Variants in RNF20 observed in about 807,000 individuals in gnomAD.
RNF20 encodes E3 ubiquitin-protein ligase BRE1A.
A neutral mutation model predicts 126.2 loss-of-function variants in RNF20; 84 were observed. That is an observed-to-expected ratio of 0.67 (90% CI 0.56 to 0.80). RNF20 has a LOEUF of 0.80. Among genes scored for constraint, RNF20 ranks in the 30% least tolerant of loss-of-function variants. The probability of loss-of-function intolerance (pLI) is 0.00; values close to 1 mark genes in which losing one functional copy is unlikely to be tolerated. For missense variants in RNF20, 869 were observed against 1,188.2 expected, an observed-to-expected ratio of 0.73 and a Z score of 3.95; for synonymous variants, 400 against 414.3, an observed-to-expected ratio of 0.97 and a Z score of 0.42.
intron 5 of RNF20, among the ~76,000 whole-genome samples, chr9:101,542,445 A>G (rs1338239790): frequency 6.6e-6 from 1 of 152,168 alleles, no homozygotes; most frequent in Non-Finnish European, 1.5e-5. Flanking sequence ...CCCCAGCTAA[A>G]CTGTGTCTTG....
intron 13 of RNF20, 115 bp from the exon 14 acceptor site, chr9:101,553,873 A>G (rs1387997222): frequency 1.0e-5 from 6 of 594,256 alleles, no homozygotes; most frequent in South Asian, 2.5e-5. Flanking sequence ...TAGGTGTGAT[A>G]TGAAATGTAA....
At chr9:101,539,556 A>G (rs1331750025) in intron 2 of RNF20, among the ~76,000 whole-genome samples, 2 of 152,174 alleles carry the variant, frequency 1.3e-5, no homozygotes, top group Non-Finnish European at 2.9e-5. Context: ...AGGGATTGGT[A>G]TATTGGGTTA....
At chr9:101,546,611 T>C (rs1020202344) in intron 6 of RNF20, among the ~76,000 whole-genome samples, 15 of 152,174 alleles carry the variant, frequency 9.9e-5, no homozygotes, top group Admixed American at 2.0e-4. Context: ...AGAGTTCTTA[T>C]AGACTTTAGA....
chr9:101,558,950 G>A (rs111719143), intron 16 of RNF20, among the ~76,000 whole-genome samples: 1,542 of 152,110 alleles, frequency 0.01, 27 homozygotes, highest in African/African-American at 0.035. Context: ...TTGCTTTTGG[G>A]TTCTTGGTCA....
At chr9:101,547,074 T>TA in intron 7 of RNF20, 63 bp from the exon 8 acceptor site, 5 of 1,602,864 alleles carry the variant, frequency 3.1e-6, no homozygotes, top group Non-Finnish European at 4.3e-6. Flanking sequence ...CCTTTGAAGG[T>TA]ACATTGGTTA....
At chr9:101,553,911 C>T (rs976279313) in intron 13 of RNF20, 77 bp from the exon 14 acceptor site, 4 of 762,702 alleles carry the variant, frequency 5.2e-6, no homozygotes, top group East Asian at 2.6e-5. Flanking sequence ...ATATTCTGCT[C>T]AATCAAAATT....
chr9:101,540,154 AT>A, intron 2 of RNF20, 48 bp from the exon 3 acceptor site: 3 of 1,560,574 alleles, frequency 1.9e-6, no homozygotes, highest in South Asian at 1.1e-5. Context: ...TTAACGGCTC[AT>A]TTTTCTTATT....
Position 101,540,629 on chromosome 9 carries a change from G to A in RNF20, c.437G>A (p.Arg146Gln), listed in dbSNP as rs1827246083. The A allele has an allele frequency of 6.2e-7, 1 of 1,614,048 alleles. No individual in the cohort carries two copies. Among genetic ancestry groups the A allele is most frequent in the Non-Finnish European group, 8.5e-7 (1 of 1,179,992 alleles). ...SDSNQERKDDRERGEGQEPAF... is the reference protein window; with the variant it reads ...SDSNQERKDDQERGEGQEPAF... The stretch of plus-strand genomic sequence containing the variant: ...AGCAATCAGGAGCGTAAAGATGACC[G>A]AGAGAGAGGCAAGTGTTCGTGATGG... Residue 146 changes from arginine (R) to glutamine (Q), a missense_variant, in exon 4 of 20, where the codon CGA becomes CAA. This residue lies in a region of RNF20 where 157 missense variants were observed against 236.0 expected (regional missense o/e 0.67). Transcript: ENST00000389120.
intron 8 of RNF20, 89 bp from the exon 9 acceptor site, chr9:101,547,310 G>T (rs1162831825): frequency 1.0e-5 from 16 of 1,602,070 alleles, no homozygotes; most frequent in Non-Finnish European, 1.4e-5. Context: ...ATGGGGTTTT[G>T]CTGGAATAGC....
At chr9:101,546,791 G>T (rs781034667) in intron 6 of RNF20, 29 bp from the exon 7 acceptor site, 2 of 1,612,270 alleles carry the variant, frequency 1.2e-6, no homozygotes, top group Middle Eastern at 1.7e-4. Context: ...TTTGCTATAT[G>T]TTTCTGAATG....
Position 101,550,792 on chromosome 9 carries a change from G to A in RNF20, c.1272+7G>A, listed in dbSNP as rs373426790. 6 of 1,613,440 alleles carry A rather than the reference G, an allele frequency of 3.7e-6. No homozygotes were observed. The African/African-American group carries it at 5.3e-5, about 14-fold the overall frequency. ...CCAGGTTGAGCTTATTGAGGTAATA[G>A]CCTTGCCTTGTCTTTTGTATGTAAG... On this transcript the variant is annotated splice_region_variant and intron_variant, in intron 10 of 19. Transcript: ENST00000389120.
intron 7 of RNF20, 62 bp from the exon 8 acceptor site, chr9:101,547,075 A>G (rs1827362751): frequency 1.2e-6 from 2 of 1,601,840 alleles, no homozygotes; most frequent in Admixed American, 3.3e-5. Context: ...CTTTGAAGGT[A>G]CATTGGTTAT....
chr9:101,535,752 G>A (rs1268138301), intron 2 of RNF20, among the ~76,000 whole-genome samples, 200 bp downstream of exon 2: 2 of 152,226 alleles, frequency 1.3e-5, no homozygotes, highest in African/African-American at 2.4e-5. Context: ...TGTTTTCAAG[G>A]TGTACTTATA....
At chr9:101,561,797 A>G (rs1206711320) in intron 18 of RNF20, 113 bp from the exon 19 acceptor site, 10 of 782,402 alleles carry the variant, frequency 1.3e-5, no homozygotes, top group African/African-American at 5.1e-5. Flanking sequence ...ATAATTGACC[A>G]TAAAAGGATA....
chr9:101,554,816 A>G lies in RNF20; in HGVS notation c.2142A>G (p.Leu714=), dbSNP rs1051478473. 5.4e-6 allele frequency: 8 copies of G among 1,494,200 alleles called. No individual in the cohort carries two copies. Among genetic ancestry groups the G allele is most frequent in the East Asian group, 2.4e-5 (1 of 41,658 alleles). The allele number at this position is 1,494,200 out of a possible 1,614,324, so 92.6% of individuals were successfully genotyped here. The change falls in exon 15 of 20, where the codon CTA becomes CTG. Residue 714 remains leucine (L), a synonymous_variant. Coordinates refer to ENST00000389120, the MANE Select transcript of RNF20 (RefSeq NM_019592.7). Reference sequence around the variant, plus strand: ...CAGTGGAGGAGCAGATAGAATACCTACAGAAGAAGCTAGCCATGGCCAAGC... The same window carrying G: ...CAGTGGAGGAGCAGATAGAATACCTGCAGAAGAAGCTAGCCATGGCCAAGC... The part of the protein sequence containing the change: ...IRAVEEQIEY[L]QKKLAMAKQE...
intron 5 of RNF20, among the ~76,000 whole-genome samples, chr9:101,544,143 C>T (rs1023057137): frequency 2.6e-5 from 4 of 152,128 alleles, no homozygotes; most frequent in Non-Finnish European, 5.9e-5. Context: ...TTTAAACATA[C>T]GAACTTGGTG....
chr9:101,557,622 A>C, intron 16 of RNF20, 26 bp downstream of exon 16: 1 of 1,538,402 alleles, frequency 6.5e-7, no homozygotes. Context: ...AGAGCTTTCT[A>C]TTCTGTTGAA....
chr9:101,543,667 G>T (rs1827299454), intron 5 of RNF20, among the ~76,000 whole-genome samples: 2 of 152,250 alleles, frequency 1.3e-5, no homozygotes, highest in African/African-American at 4.8e-5. Flanking sequence ...TGATTCAAAA[G>T]AATTGCATTT....
At position 101,561,900 on chromosome 9, in the gene RNF20, C is replaced by G. The variant is rs1254465084; in HGVS notation, c.2650-10C>G. ...TAAGTGTGTCTAATGGGTATGCTAT[C>G]CTGCCACAGGAGGACATCTCTAGAC... On this transcript the variant is annotated splice_polypyrimidine_tract_variant and intron_variant, in intron 18 of 19. Coordinates refer to ENST00000389120, the MANE Select transcript of RNF20 (RefSeq NM_019592.7). 1 of 1,589,774 alleles carries G rather than the reference C, an allele frequency of 6.3e-7. No individual in the cohort carries two copies. The highest frequency in any genetic ancestry group is 8.6e-7 in the Non-Finnish European group (1 of 1,158,008).
Sources: gnomAD v4.1 joint callset for allele counts (sites outside exome capture counted in the v4.1 genomes callset) on GRCh38, gnomAD v4.1.1 for gene constraint, gnomAD v4.1.1 regional missense constraint, MANE v1.5 for transcripts, NCBI Gene and HGNC (gene_info 2026-07-23, HGNC 2026-07-21) for gene names.